Variants in CAMTA1 observed in about 807,000 individuals in gnomAD.
CAMTA1 encodes the protein calmodulin binding transcription activator 1, also known as calmodulin-binding transcription activator 1.
A neutral mutation model predicts 170.9 loss-of-function variants in CAMTA1; 27 were observed. The ratio of observed to expected loss-of-function variants is 0.16; its 90% CI spans 0.12 to 0.22. The LOEUF (loss-of-function observed/expected upper bound fraction) is 0.22, where lower values mean the gene tolerates loss of function less well. Among genes scored for constraint, CAMTA1 ranks in the 10% least tolerant of loss-of-function variants. The pLI is 1.00. For missense variants in CAMTA1, 1,619 were observed against 2,217.2 expected, an observed-to-expected ratio of 0.73 and a Z score of 5.42; for synonymous variants, 833 against 891.5, an observed-to-expected ratio of 0.93 and a Z score of 1.17.
chr1:7,276,553 C>T (rs1311890192), intron 5 of CAMTA1, among the ~76,000 whole-genome samples: 1 of 151,750 alleles, frequency 6.6e-6, no homozygotes, highest in Admixed American at 6.6e-5. Context: ...TCGTGATCCG[C>T]TTGCCTCGGC....
chr1:7,658,201 C>T (rs1281879298), intron 7 of CAMTA1, among the ~76,000 whole-genome samples: 1 of 152,210 alleles, frequency 6.6e-6, no homozygotes, highest in Non-Finnish European at 1.5e-5. Flanking sequence ...GAACATGTGG[C>T]CTGGCTTGGC....
chr1:6,914,396 C>G (rs1234514651), intron 3 of CAMTA1, among the ~76,000 whole-genome samples: 1 of 152,218 alleles, frequency 6.6e-6, no homozygotes, highest in African/African-American at 2.4e-5. Context: ...ACCACCACAC[C>G]TGGCCATCTC....
At chr1:7,389,307 C>G (rs1199359074) in intron 5 of CAMTA1, 2 of 31,570 alleles carry the variant, frequency 6.3e-5, no homozygotes, top group African/African-American at 1.6e-4. Context: ...CAGTGCTCCC[C>G]CTGCAGCCCT....
At chr1:7,520,347 C>A in intron 6 of CAMTA1, among the ~76,000 whole-genome samples, 1 of 143,900 alleles carries the variant, frequency 6.9e-6, no homozygotes, top group Non-Finnish European at 1.5e-5. Context: ...TGGACCACCA[C>A]AACTTGGGGC....
intron 6 of CAMTA1, among the ~76,000 whole-genome samples, chr1:7,549,447 T>C (rs955037814): frequency 6.6e-6 from 1 of 152,128 alleles, no homozygotes; most frequent in Non-Finnish European, 1.5e-5. Flanking sequence ...ATTCCCCCGA[T>C]TGGTGCCCAC....
At chr1:6,884,327 C>CAA (rs1672541698) in intron 3 of CAMTA1, among the ~76,000 whole-genome samples, 1 of 145,326 alleles carries the variant, frequency 6.9e-6, no homozygotes, top group Non-Finnish European at 1.5e-5. Context: ...CACACACACA[C>CAA]ACACACACAA....
chr1:7,724,844 A>G (rs1245233858), intron 11 of CAMTA1, among the ~76,000 whole-genome samples: 2 of 149,696 alleles, frequency 1.3e-5, no homozygotes, highest in East Asian at 2.0e-4. Flanking sequence ...AAAAGATCGC[A>G]TGTATTAGTT....
chr1:7,031,782 C>G (rs1031192846), intron 3 of CAMTA1, among the ~76,000 whole-genome samples: 2 of 151,444 alleles, frequency 1.3e-5, no homozygotes, highest in Admixed American at 6.6e-5. Context: ...ACCTTGTGAT[C>G]TGCCCACCTT....
chr1:7,362,835 G>T (rs1557591124), intron 5 of CAMTA1, among the ~76,000 whole-genome samples: 1 of 151,970 alleles, frequency 6.6e-6, no homozygotes, highest in African/African-American at 2.4e-5. Context: ...GTGAACTTCG[G>T]TAGGACTGGT....
intron 5 of CAMTA1, chr1:7,370,408 C>T (rs1474101503): frequency 6.6e-6 from 1 of 152,152 alleles, no homozygotes; most frequent in Non-Finnish European, 1.5e-5. Context: ...TTTTCTGCTA[C>T]AATCCAAAGA....
At chr1:7,163,277 G>T (rs1176984407) in intron 4 of CAMTA1, among the ~76,000 whole-genome samples, 1 of 142,154 alleles carries the variant, frequency 7.0e-6, no homozygotes, top group African/African-American at 2.6e-5. Context: ...GGCTGGAGGT[G>T]TGGGTGGCCA....
intron 3 of CAMTA1, among the ~76,000 whole-genome samples, chr1:7,074,149 C>T (rs1320577329): frequency 1.3e-5 from 2 of 152,136 alleles, no homozygotes; most frequent in African/African-American, 2.4e-5. Context: ...AAGTCAATCA[C>T]AAGTTTGGGT....
intron 3 of CAMTA1, among the ~76,000 whole-genome samples, chr1:6,830,738 G>T (rs1649638335): frequency 6.6e-6 from 1 of 152,150 alleles, no homozygotes; most frequent in Non-Finnish European, 1.5e-5. Flanking sequence ...GTGTATGCTG[G>T]TGAAACTACC....
At chr1:7,728,456 C>T (rs763949247) in intron 11 of CAMTA1, among the ~76,000 whole-genome samples, 2 of 152,224 alleles carry the variant, frequency 1.3e-5, no homozygotes, top group Non-Finnish European at 2.9e-5. Flanking sequence ...ATCTTGGCCA[C>T]TCAGTTGCAG....
chr1:7,662,117 G>A (rs149789613), intron 8 of CAMTA1, among the ~76,000 whole-genome samples: 115 of 152,366 alleles, frequency 7.5e-4, no homozygotes, highest in African/African-American at 2.6e-3. Context: ...AGCTTCCTCC[G>A]TGGGGCAAGA....
At chr1:6,828,890 GTTTTTTT>G (rs1026284603) in intron 3 of CAMTA1, among the ~76,000 whole-genome samples, 3 of 101,996 alleles carry the variant, frequency 2.9e-5, no homozygotes, top group African/African-American at 7.9e-5. Context: ...CTGTAACGTA[GTTTTTTT>G]TTTTTTTTTT....
At chr1:7,594,853 G>A (rs564872441) in intron 6 of CAMTA1, among the ~76,000 whole-genome samples, 5 of 152,334 alleles carry the variant, frequency 3.3e-5, no homozygotes, top group South Asian at 2.1e-4. Context: ...AGCTCCCCTC[G>A]GGTCATATTG....
At chr1:7,587,432 C>T (rs939946732) in intron 6 of CAMTA1, among the ~76,000 whole-genome samples, 5 of 152,200 alleles carry the variant, frequency 3.3e-5, no homozygotes, top group East Asian at 1.9e-4. Flanking sequence ...GTCGGCAGCA[C>T]GCCCTCCACT....
chr1:7,523,511 G>T (rs566703489), intron 6 of CAMTA1, among the ~76,000 whole-genome samples: 3 of 152,228 alleles, frequency 2.0e-5, no homozygotes, highest in Non-Finnish European at 4.4e-5. Context: ...CTAGGTCTTT[G>T]ATTTTCCTCC....
Sources: allele counts gnomAD v4.1 joint callset (sites outside exome capture counted in the v4.1 genomes callset), GRCh38; gene constraint gnomAD v4.1.1; transcripts MANE v1.5; gene names NCBI Gene and HGNC (gene_info 2026-07-23, HGNC 2026-07-21).